Variants in TTC34 observed in about 807,000 individuals in gnomAD.
TTC34 encodes tetratricopeptide repeat domain 34.
Under a neutral mutation model 40.7 loss-of-function variants are expected in TTC34, and 44 were observed. The observed-to-expected ratio is 1.08, with a 90% CI of 0.85 to 1.39. The LOEUF (loss-of-function observed/expected upper bound fraction) is 1.39, where lower values mean the gene tolerates loss of function less well. Ranked by LOEUF, TTC34 falls within the 40% of genes most tolerant of loss-of-function variation. TTC34 has a pLI of 0.00. For missense variants in TTC34, 884 were observed against 838.0 expected (o/e 1.05, Z -0.68); for synonymous variants, 422 against 398.6 (o/e 1.06, Z -0.70).
At chr1:2,688,597 A>G (rs959536237) in intron 6 of TTC34, among the ~76,000 whole-genome samples, 8 of 140,192 alleles carry the variant, frequency 5.7e-5, no homozygotes, top group African/African-American at 9.0e-5. Context: ...GACAGCCTGG[A>G]GCAGCACCCA....
chr1:2,649,245 C>G (rs998321751), intron 6 of TTC34, among the ~76,000 whole-genome samples: 5 of 152,100 alleles, frequency 3.3e-5, no homozygotes, highest in Non-Finnish European at 7.4e-5. Context: ...CAGGACCCCA[C>G]AACCCCAGGT....
At chr1:2,692,098 C>A (rs1210032904) in intron 6 of TTC34, among the ~76,000 whole-genome samples, 11 of 115,382 alleles carry the variant, frequency 9.5e-5, no homozygotes, top group Non-Finnish European at 1.5e-4. Context: ...TGGAGCAGAA[C>A]CCACACCCCC....
At chr1:2,786,770 T>G (rs1643596099) in intron 4 of TTC34, among the ~76,000 whole-genome samples, 1 of 152,138 alleles carries the variant, frequency 6.6e-6, no homozygotes, top group African/African-American at 2.4e-5. Context: ...ACGTCCCCTC[T>G]CCGCGACTCC....
intron 6 of TTC34, among the ~76,000 whole-genome samples, chr1:2,686,595 C>G (rs1640361020): frequency 6.7e-6 from 1 of 148,688 alleles, no homozygotes; most frequent in Non-Finnish European, 1.5e-5. Context: ...TGGAACAGCA[C>G]ACACACCCCC....
chr1:2,750,069 G>A (rs1341536233), intron 6 of TTC34, among the ~76,000 whole-genome samples: 6 of 72,520 alleles, frequency 8.3e-5, no homozygotes, highest in East Asian at 5.5e-4. Flanking sequence ...CTGACAGCCT[G>A]GAGCAGCAGG....
At chr1:2,642,832 A>G (rs771920402) in intron 8 of TTC34, among the ~76,000 whole-genome samples, 9 of 152,128 alleles carry the variant, frequency 5.9e-5, no homozygotes, top group African/African-American at 7.2e-5. Flanking sequence ...CCGTGCAGGG[A>G]GCGAGGGGGT....
intron 6 of TTC34, among the ~76,000 whole-genome samples, chr1:2,686,766 C>T (rs1192368094): frequency 2.1e-5 from 3 of 143,178 alleles, no homozygotes; most frequent in Non-Finnish European, 3.1e-5. Context: ...CCCACACCCC[C>T]AGGTGAGCAT....
intron 6 of TTC34, among the ~76,000 whole-genome samples, chr1:2,674,871 G>GC (rs1557599477): frequency 9.1e-6 from 1 of 109,376 alleles, no homozygotes; most frequent in Non-Finnish European, 2.2e-5. Context: ...GTCTGGAGCA[G>GC]CGCCCACAGC....
chr1:2,695,189 CCATACG>C (rs1640806084), intron 6 of TTC34, among the ~76,000 whole-genome samples: 1 of 79,434 alleles, frequency 1.3e-5, no homozygotes. Flanking sequence ...GGAACAGCAC[CCATACG>C]CCCAGATGAG....
At chr1:2,692,105 C>A (rs576904419) in intron 6 of TTC34, among the ~76,000 whole-genome samples, 276 of 85,960 alleles carry the variant, frequency 3.2e-3, no homozygotes, top group African/African-American at 4.2e-3. Flanking sequence ...GAACCCACAC[C>A]CCCAGGCGAG....
intron 6 of TTC34, among the ~76,000 whole-genome samples, chr1:2,749,608 A>T: frequency 9.0e-6 from 1 of 111,658 alleles, no homozygotes; most frequent in Non-Finnish European, 1.7e-5. Flanking sequence ...CCACACCCCC[A>T]GGTGTGCATG....
intron 6 of TTC34, among the ~76,000 whole-genome samples, chr1:2,699,839 AG>A (rs1434183797): frequency 4.6e-5 from 3 of 64,542 alleles, no homozygotes. Context: ...GACAGCCTGG[AG>A]CAGCGCCCAC....
intron 5 of TTC34, among the ~76,000 whole-genome samples, chr1:2,784,966 G>GGGCCACTCTA (rs1415707656): frequency 1.5e-5 from 2 of 136,158 alleles, no homozygotes; most frequent in Middle Eastern, 3.4e-3. Flanking sequence ...AGGCTGCTCT[G>GGGCCACTCTA]GGCCACTCTG....
At chr1:2,656,427 C>G in intron 6 of TTC34, among the ~76,000 whole-genome samples, 1 of 52,376 alleles carries the variant, frequency 1.9e-5, no homozygotes, top group Non-Finnish European at 3.4e-5. Flanking sequence ...CCCAGGTGAG[C>G]ATCTGACAGC....
chr1:2,657,479 C>A lies in TTC34; in HGVS notation c.2227-11916G>T, dbSNP rs530389527. On this transcript the variant is annotated intron_variant, in intron 6 of 8. Coordinates refer to ENST00000401095, the Ensembl canonical transcript of TTC34. The stretch of plus-strand genomic sequence containing the variant: ...CCCACGCCCCCAGGCGAGCATCTGA[C>A]CGAACGGAGCAGCACCCACAACCCC... Among the ~76,000 whole-genome samples, 5 of 91,446 alleles carry A rather than the reference C, an allele frequency of 5.5e-5. No individual in the cohort carries two copies. The East Asian group carries it at 7.5e-4, about 14-fold the overall frequency. The allele number at this position is 91,446 out of a possible 152,430, so 60.0% of individuals were successfully genotyped here.
At chr1:2,642,387 C>T (rs1024114142) in intron 8 of TTC34, among the ~76,000 whole-genome samples, 1 of 152,310 alleles carries the variant, frequency 6.6e-6, no homozygotes, top group East Asian at 1.9e-4. Context: ...TTCCACTCTG[C>T]CCACCTTCTG....
chr1:2,787,450 C>G, intron 4 of TTC34, 31 bp downstream of exon 4: 1 of 1,446,894 alleles, frequency 6.9e-7, no homozygotes, highest in Non-Finnish European at 9.1e-7. Context: ...CCATTTCCAC[C>G]TGCCCTCTGT....
At chr1:2,748,318 AC>A (rs1240156282) in intron 6 of TTC34, among the ~76,000 whole-genome samples, 13 of 141,222 alleles carry the variant, frequency 9.2e-5, no homozygotes, top group Non-Finnish European at 2.1e-4. Context: ...CAGCACCCAC[AC>A]CCCCAGGGGA....
intron 6 of TTC34, among the ~76,000 whole-genome samples, chr1:2,687,755 C>A (rs1640430909): frequency 6.6e-6 from 1 of 150,582 alleles, no homozygotes; most frequent in African/African-American, 2.5e-5. Context: ...CAGCCTGGAG[C>A]AGAACCCACA....
Sources: gnomAD v4.1 joint callset for allele counts (sites outside exome capture counted in the v4.1 genomes callset) on GRCh38, gnomAD v4.1.1 for gene constraint, MANE v1.5 for transcripts, NCBI Gene and HGNC (gene_info 2026-07-23, HGNC 2026-07-21) for gene names.